Variants in TRDN observed in about 807,000 individuals in gnomAD.
TRDN encodes the protein triadin, also known as triadin in skeletal muscle.
A neutral mutation model predicts 149.7 loss-of-function variants in TRDN; 161 were observed. That is an observed-to-expected ratio of 1.08 (90% CI 0.95 to 1.23). The LOEUF is 1.23. Ranked by LOEUF, TRDN falls within the 50% of genes most tolerant of loss-of-function variation. The probability of loss-of-function intolerance (pLI) is 0.00; values close to 1 mark genes in which losing one functional copy is unlikely to be tolerated. For synonymous variants in TRDN, 294 were observed against 250.5 expected (o/e 1.17, Z -1.64); for missense variants, 896 against 823.5 (o/e 1.09, Z -1.08).
At chr6:123,511,515 A>T (rs542152660) in intron 7 of TRDN, among the ~76,000 whole-genome samples, 2 of 152,202 alleles carry the variant, frequency 1.3e-5, no homozygotes, top group Admixed American at 1.3e-4. Flanking sequence ...GAAAATTCTG[A>T]ATTTGAGATT....
At chr6:123,361,332 T>C (rs1454179482) in intron 20 of TRDN, among the ~76,000 whole-genome samples, 1 of 151,462 alleles carries the variant, frequency 6.6e-6, no homozygotes, top group Admixed American at 6.6e-5. Context: ...AGTGGAACAA[T>C]GAGAACAGGG....
At chr6:123,345,635 A>G (rs764321937) in intron 21 of TRDN, among the ~76,000 whole-genome samples, 6 of 152,124 alleles carry the variant, frequency 3.9e-5, no homozygotes, top group Non-Finnish European at 7.4e-5. Flanking sequence ...TTAAATCTGT[A>G]GCTCAATTTA....
intron 10 of TRDN, among the ~76,000 whole-genome samples, chr6:123,456,235 TTCTTAAAA>T (rs1776111759): frequency 6.6e-6 from 1 of 152,178 alleles, no homozygotes; most frequent in South Asian, 2.1e-4. Flanking sequence ...TGGATATCCA[TTCTTAAAA>T]TAGAAGCAAG....
At position 123,332,009 on chromosome 6, in the gene TRDN, A is replaced by C. The variant is rs926553984; in HGVS notation, c.1421-80T>G. ...ACCTATAAATGAAGTCAGTAAGCTG[A>C]AAGTATCAGTAAGCTGAAAGTAAGT... On this transcript the variant is annotated intron_variant, in intron 22 of 40. Transcript: ENST00000334268. 7 of 1,090,780 alleles carry C rather than the reference A, an allele frequency of 6.4e-6. No homozygotes were observed. The African/African-American group carries it at 1.1e-4, about 17-fold the overall frequency. 67.6% of individuals were successfully genotyped at this position (1,090,780 alleles called of 1,614,324 possible).
intron 1 of TRDN, among the ~76,000 whole-genome samples, chr6:123,572,562 T>G (rs1446550576): frequency 6.6e-6 from 1 of 152,092 alleles, no homozygotes; most frequent in East Asian, 1.9e-4. Flanking sequence ...CATGTTACAT[T>G]TAAGAACAAT....
At chr6:123,246,415 C>T (rs572839838) in intron 38 of TRDN, among the ~76,000 whole-genome samples, 11 of 152,142 alleles carry the variant, frequency 7.2e-5, no homozygotes, top group African/African-American at 2.6e-4. Context: ...CCACTGATTC[C>T]ACAGAATTGC....
chr6:123,598,246 A>G (rs1222740918), intron 1 of TRDN, among the ~76,000 whole-genome samples: 1 of 152,112 alleles, frequency 6.6e-6, no homozygotes, highest in Non-Finnish European at 1.5e-5. Flanking sequence ...CAAGGTAAAT[A>G]GCAGTACTCA....
chr6:123,612,694 T>TG (rs1201746773), intron 1 of TRDN, among the ~76,000 whole-genome samples: 10 of 146,848 alleles, frequency 6.8e-5, no homozygotes, highest in African/African-American at 2.7e-4. Flanking sequence ...CGCACCACTG[T>TG]GCGTCAAGAT....
intron 4 of TRDN, among the ~76,000 whole-genome samples, chr6:123,531,508 C>T (rs1780252732): frequency 6.6e-6 from 1 of 152,034 alleles, no homozygotes; most frequent in Admixed American, 6.6e-5. Context: ...TCAGAAAAGA[C>T]AGCTACTAGC....
chr6:123,332,482 G>C (rs1295455330), intron 22 of TRDN, among the ~76,000 whole-genome samples: 2 of 151,960 alleles, frequency 1.3e-5, no homozygotes, highest in Non-Finnish European at 2.9e-5. Context: ...TGAAGGCCTT[G>C]GTTGAAGTAA....
At chr6:123,614,045 A>G (rs1165898770) in intron 1 of TRDN, among the ~76,000 whole-genome samples, 2 of 151,998 alleles carry the variant, frequency 1.3e-5, no homozygotes, top group South Asian at 2.1e-4. Flanking sequence ...GGATATTGCT[A>G]CTCAAACTGT....
At chr6:123,254,533 C>T (rs1776485677) in intron 37 of TRDN, among the ~76,000 whole-genome samples, 2 of 151,794 alleles carry the variant, frequency 1.3e-5, no homozygotes, top group Admixed American at 6.6e-5. Flanking sequence ...AATTATGTTG[C>T]CAAGGCTACA....
intron 5 of TRDN, among the ~76,000 whole-genome samples, chr6:123,519,829 G>C (rs1779592492): frequency 6.6e-6 from 1 of 151,400 alleles, no homozygotes; most frequent in South Asian, 2.1e-4. Flanking sequence ...AAATTTTACT[G>C]ATTTTTCTTT....
chr6:123,507,054 G>A (rs1415237930), intron 7 of TRDN, among the ~76,000 whole-genome samples: 2 of 152,050 alleles, frequency 1.3e-5, no homozygotes, highest in Non-Finnish European at 2.9e-5. Context: ...TTGATGGAGA[G>A]AGTAAATATT....
intron 24 of TRDN, among the ~76,000 whole-genome samples, chr6:123,285,096 T>A (rs1044992851): frequency 2.0e-5 from 3 of 151,718 alleles, no homozygotes; most frequent in African/African-American, 7.3e-5. Context: ...AGAATCAATA[T>A]GTGAAAATGA....
Position 123,253,642 on chromosome 6 carries a change from TG to T in TRDN, c.1952-1208del, listed in dbSNP as rs531247002. 2.6e-4 allele frequency among the ~76,000 whole-genome samples: 40 copies of T among 152,262 alleles called. 2 individuals are homozygous for T. The South Asian group carries it at 8.3e-3, about 32-fold the overall frequency. The stretch of plus-strand genomic sequence containing the variant: ...ATAAATGAAGGAATGAATAAGAATA[TG>T]CCTGCTCTCAATTATCTCTGAGTTG... On this transcript the variant is annotated intron_variant, in intron 37 of 40. Transcript: ENST00000334268.
chr6:123,358,107 AT>A (rs1305864887), intron 20 of TRDN, among the ~76,000 whole-genome samples: 2 of 152,310 alleles, frequency 1.3e-5, no homozygotes, highest in East Asian at 3.9e-4. Flanking sequence ...TTCTCTTTCT[AT>A]ACCACAAGAT....
intron 23 of TRDN, among the ~76,000 whole-genome samples, chr6:123,321,706 C>T (rs1779249906): frequency 6.6e-6 from 1 of 151,958 alleles, no homozygotes; most frequent in Non-Finnish European, 1.5e-5. Flanking sequence ...ACTGTCACTC[C>T]AAATAGCTTG....
intron 8 of TRDN, chr6:123,502,805 T>G (rs4509144): frequency 9.0e-5 from 89 of 984,974 alleles, no homozygotes; most frequent in Non-Finnish European, 1.0e-4. Context: ...TTTTGCAATG[T>G]CTCCAAGAAA....
Sources: allele counts gnomAD v4.1 joint callset (sites outside exome capture counted in the v4.1 genomes callset), GRCh38; gene constraint gnomAD v4.1.1; transcripts MANE v1.5; gene names NCBI Gene and HGNC (gene_info 2026-07-23, HGNC 2026-07-21).